TSC2: variants seen among roughly 807,000 people sequenced by gnomAD.
The protein encoded by TSC2 is tuberin.
Under a neutral mutation model 202.2 loss-of-function variants are expected in TSC2, and 29 were observed. The ratio of observed to expected loss-of-function variants is 0.14; its 90% CI spans 0.11 to 0.20. TSC2 has a LOEUF of 0.20. TSC2 is among the 10% of genes least tolerant of loss of function. TSC2 has a pLI of 1.00. For synonymous variants in TSC2, 1,349 were observed against 1,044.0 expected, an observed-to-expected ratio of 1.29 and a Z score of -5.63; for missense variants, 2,429 against 2,420.0, an observed-to-expected ratio of 1.00 and a Z score of -0.08.
chr16:2,060,561 G>C, intron 10 of TSC2, 109 bp from the exon 11 acceptor site: 1 of 1,571,862 alleles, frequency 6.4e-7, no homozygotes, highest in Non-Finnish European at 8.7e-7. Context: ...ACGTGTGGTG[G>C]GCACTGCGCG....
chr16:2,078,381 C>T (rs1033692589), intron 26 of TSC2: 1 of 164,064 alleles, frequency 6.1e-6, no homozygotes, highest in Admixed American at 5.8e-5. Flanking sequence ...TCCCATGGCC[C>T]TCAGTCCATC....
In TSC2 at chr16:2,089,368, GGCTAA is replaced by G. The variant is rs2091339494; in HGVS notation, c.*759_*763del. 1 of 390,932 alleles carries G rather than the reference GGCTAA, an allele frequency of 2.6e-6. No homozygotes were observed. The highest frequency in any genetic ancestry group is 4.1e-5 in the Admixed American group (1 of 24,350). 24.2% of individuals were successfully genotyped at this position (390,932 alleles called of 1,614,324 possible). A position where few individuals can be genotyped will look rare whatever the true frequency, so the allele number is the denominator to read the frequency against. On this transcript the variant is annotated 3_prime_UTR_variant, in exon 42 of 42. Coordinates refer to ENST00000219476, the MANE Select transcript of TSC2 (RefSeq NM_000548.5). ...TTAGGGGCAGGGTGGCGGCGGTGCA[GGCTAA>G]CCCTCCCTGAAGCCAGCAGCCTTAG...
chr16:2,084,852 G>A (rs1055642011), intron 34 of TSC2, 99 bp from the exon 35 acceptor site: 1 of 1,601,230 alleles, frequency 6.2e-7, no homozygotes, highest in Non-Finnish European at 8.5e-7. Context: ...TGGGAGGGCG[G>A]TGGAGTGGGA....
At chr16:2,078,172 G>T in intron 26 of TSC2, 1 of 243,030 alleles carries the variant, frequency 4.1e-6, no homozygotes, top group East Asian at 1.1e-4. Context: ...AGCCTGGGAG[G>T]GCCTGGGTGG....
At chr16:2,076,305 TG>T in intron 24 of TSC2, 135 bp downstream of exon 24, 2 of 1,560,218 alleles carry the variant, frequency 1.3e-6, no homozygotes, top group Non-Finnish European at 8.7e-7. Context: ...CCTGTGGCGC[TG>T]GGGGCTCTGC....
intron 5 of TSC2, 47 bp downstream of exon 5, chr16:2,054,487 G>A: frequency 6.2e-7 from 1 of 1,612,788 alleles, no homozygotes; most frequent in Non-Finnish European, 8.5e-7. Flanking sequence ...TGACGATCAA[G>A]TGTAACCTGG....
chr16:2,079,597 C>T lies in TSC2; in HGVS notation c.3325C>T (p.Pro1109Ser). ...GVHVRQTKEA[P>S]AKLESQAGQQ... ...GCATGTGAGACAGACCAAGGAGGCG[C>T]CGGCCAAGCTGGAGTCCCAGGCTGG... The change falls in exon 29 of 42, where the codon CCG becomes TCG. Residue 1109 changes from proline (P) to serine (S), a missense_variant. By Grantham distance (74) the Pro-to-Ser change is moderately conservative. Transcript: ENST00000219476. This position sits in a 1 kb window ranked among gnomAD's most constrained non-coding sequence, Gnocchi z 4.6. 3 of 1,611,630 alleles carry T rather than the reference C, an allele frequency of 1.9e-6. No homozygotes were observed. Among genetic ancestry groups the T allele is most frequent in the African/African-American group, 1.3e-5 (1 of 75,032 alleles).
Position 2,088,759 on chromosome 16 carries a change from G to C in TSC2, c.*149G>C, listed in dbSNP as rs1299264024. ...CTTTGTCTGCTTGGTGCGGGGGTTG[G>C]GGGGGTGTCGAGGCTCTAGAAGCGG... On this transcript the variant is annotated 3_prime_UTR_variant, in exon 42 of 42. Transcript: ENST00000219476. 4.3e-6 allele frequency: 5 copies of C among 1,161,960 alleles called. No individual in the cohort carries two copies. The highest frequency in any genetic ancestry group is 6.0e-6 in the Non-Finnish European group (5 of 837,662). 72.0% of individuals were successfully genotyped at this position (1,161,960 alleles called of 1,614,324 possible).
intron 17 of TSC2, 32 bp downstream of exon 17, chr16:2,070,610 T>TG (rs762238253): frequency 6.2e-7 from 1 of 1,612,534 alleles, no homozygotes; most frequent in South Asian, 1.1e-5. Context: ...AGCCAGTTCC[T>TG]GGGGGCCCAG....
chr16:2,082,054 G>T, intron 31 of TSC2: 1 of 621,368 alleles, frequency 1.6e-6, no homozygotes, highest in Non-Finnish European at 2.9e-6. Flanking sequence ...ATCCTCCGTG[G>T]GGAGTCCAGC....
At position 2,065,609 on chromosome 16, in the gene TSC2, G is replaced by C. The variant is rs147072281; in HGVS notation, c.1690G>C (p.Val564Leu). The C allele has an allele frequency of 3.1e-6, 5 of 1,613,592 alleles. No individual in the cohort carries two copies. Among genetic ancestry groups the C allele is most frequent in the Non-Finnish European group, 4.2e-6 (5 of 1,179,986 alleles). The change falls in exon 16 of 42, where the codon GTC becomes CTC. Residue 564 changes from valine to leucine, a missense_variant. Coordinates refer to ENST00000219476, the MANE Select transcript of TSC2 (RefSeq NM_000548.5). ...CTCCTTGGAGGATGTGAAGACAGCC[G>C]TCCTGGGGCTTCTGGTCATCCTTCA... ...SASLEDVKTA[V>L]LGLLVILQTK...
At chr16:2,058,469 G>T (rs187276919) in intron 9 of TSC2, among the ~76,000 whole-genome samples, 43 of 152,340 alleles carry the variant, frequency 2.8e-4, no homozygotes, top group Middle Eastern at 6.8e-3. Flanking sequence ...CCCCCAGACT[G>T]CGAGGCTGTG....
chr16:2,062,204 C>T (rs1272637482), intron 12 of TSC2, among the ~76,000 whole-genome samples, 196 bp downstream of exon 12: 1 of 152,254 alleles, frequency 6.6e-6, no homozygotes, highest in Non-Finnish European at 1.5e-5. Flanking sequence ...GCCCACCCAT[C>T]AGTTTCCTCC....
rs1262967003 is a variant in TSC2, at chr16:2,086,871, GGTGA to G, written c.4989+6_4989+9del. On this transcript the variant is annotated splice_donor_variant and splice_donor_region_variant and intron_variant, in intron 38 of 41. Coordinates refer to ENST00000219476, the MANE Select transcript of TSC2 (RefSeq NM_000548.5). LOFTEE classifies it high-confidence loss of function. Reference sequence around the variant, plus strand: ...AGGACTTCAAGCTTGGCACCATCAAGGTGAGTGAGGGGCCGTCAGTGAGGCTGGG... The same window carrying G: ...AGGACTTCAAGCTTGGCACCATCAAGGTGAGGGGCCGTCAGTGAGGCTGGG... 4.4e-6 allele frequency: 7 copies of G among 1,583,178 alleles called. No homozygotes were observed. Among genetic ancestry groups the G allele is most frequent in the East Asian group, 2.3e-5 (1 of 42,912 alleles).
At position 2,088,881 on chromosome 16, in the gene TSC2, G is replaced by GCGCACACACACACACACACACACACA. The variant is rs142285430; in HGVS notation, c.*272_*273insGCACACACACACACACACACACACAC. 2.4e-6 allele frequency: 1 copy of GCGCACACACACACACACACACACACA among 410,744 alleles called. No homozygotes were observed. Among genetic ancestry groups the GCGCACACACACACACACACACACACA allele is most frequent in the African/African-American group, 2.3e-5 (1 of 44,062 alleles). 25.4% of individuals were successfully genotyped at this position (410,744 alleles called of 1,614,324 possible). Reference sequence around the variant, plus strand: ...ACAGCACACTCGCGCGTGCGCGCGCGCACACACACACACACACAGTCACCT... The same window carrying GCGCACACACACACACACACACACACA: ...ACAGCACACTCGCGCGTGCGCGCGCGCGCACACACACACACACACACACACACACACACACACACACACAGTCACCT... On this transcript the variant is annotated 3_prime_UTR_variant, in exon 42 of 42. Coordinates refer to ENST00000219476, the MANE Select transcript of TSC2 (RefSeq NM_000548.5).
chr16:2,077,499 T>G, intron 25 of TSC2, 99 bp from the exon 26 acceptor site: 1 of 1,571,662 alleles, frequency 6.4e-7, no homozygotes. Flanking sequence ...CCTGACCCTG[T>G]GGCCTGGGAC....
At chr16:2,064,215 C>CCG in intron 14 of TSC2, 57 bp from the exon 15 acceptor site, 1 of 1,612,906 alleles carries the variant, frequency 6.2e-7, no homozygotes, top group Non-Finnish European at 8.5e-7. Context: ...TTGGAAGTGT[C>CCG]ACGAGATGTG....
At position 2,087,902 on chromosome 16, in the gene TSC2, G is replaced by A. The variant is rs1163037065; in HGVS notation, c.5029G>A (p.Asp1677Asn). Residue 1677 changes from aspartate to asparagine, a missense_variant, in exon 39 of 42, where the codon GAC (aspartate) becomes AAC (asparagine). By Grantham distance (23) the Asp-to-Asn change is conservative. Transcript: ENST00000219476. ...NFVHVIVTPL[D>N]YECNLVSLQC... is the part of the protein sequence containing the mutation. ...TGTCCACGTGATCGTCACCCCGCTG[G>A]ACTACGAGTGCAACCTGGTGTCCCT... The A allele has an allele frequency of 1.2e-6, 2 of 1,612,786 alleles. No individual in the cohort carries two copies. The highest frequency in any genetic ancestry group is 1.7e-5 in the Admixed American group (1 of 60,008).
chr16:2,081,459 C>G (rs376053649), intron 30 of TSC2, 136 bp from the exon 31 acceptor site: 42 of 1,182,196 alleles, frequency 3.6e-5, no homozygotes, highest in Admixed American at 3.5e-4. Context: ...AGCGCTGGCT[C>G]CGACATCGTG....
Sources: allele counts gnomAD v4.1 joint callset (sites outside exome capture counted in the v4.1 genomes callset), GRCh38; gene constraint gnomAD v4.1.1; non-coding constraint Gnocchi (gnomAD v3.1); transcripts MANE v1.5; gene names NCBI Gene and HGNC (gene_info 2026-07-23, HGNC 2026-07-21).